NELL2: variants seen among roughly 807,000 people sequenced by gnomAD.
The protein encoded by NELL2 is neural EGFL like 2.
Under a neutral mutation model 109.6 loss-of-function variants are expected in NELL2, and 41 were observed. That is an observed-to-expected ratio of 0.37 (90% CI 0.29 to 0.49). The LOEUF (loss-of-function observed/expected upper bound fraction) is 0.49, where lower values mean the gene tolerates loss of function less well. NELL2 is among the 20% of genes least tolerant of loss of function. The pLI is 0.98. For synonymous variants in NELL2, 355 were observed against 344.7 expected (o/e 1.03, Z -0.33); for missense variants, 900 against 1,008.3 (o/e 0.89, Z 1.45).
At chr12:44,581,935 T>G (rs912359927) in intron 15 of NELL2, among the ~76,000 whole-genome samples, 1 of 152,214 alleles carries the variant, frequency 6.6e-6, no homozygotes. Context: ...CAACAAAACA[T>G]TTTAAGCTCA....
At chr12:44,536,686 G>C (rs1942305829) in intron 15 of NELL2, among the ~76,000 whole-genome samples, 1 of 151,946 alleles carries the variant, frequency 6.6e-6, no homozygotes, top group South Asian at 2.1e-4. Flanking sequence ...AAAAAACTAA[G>C]AGTAAATTTC....
At chr12:44,623,337 CTG>C (rs1264955279) in intron 13 of NELL2, among the ~76,000 whole-genome samples, 5 of 151,980 alleles carry the variant, frequency 3.3e-5, no homozygotes, top group Non-Finnish European at 7.4e-5. Context: ...TAACTTACAC[CTG>C]TGTTTTGTTC....
chr12:44,808,070 T>G (rs1943061338), intron 3 of NELL2, among the ~76,000 whole-genome samples: 1 of 152,044 alleles, frequency 6.6e-6, no homozygotes, highest in South Asian at 2.1e-4. Context: ...CATCCCCATC[T>G]AGGAGGAAAA....
At chr12:44,523,585 T>C in intron 16 of NELL2, 101 bp from the exon 17 acceptor site, 2 of 925,272 alleles carry the variant, frequency 2.2e-6, no homozygotes, top group Non-Finnish European at 3.3e-6. Context: ...TATTCAACTG[T>C]AAATTAATTT....
intron 13 of NELL2, among the ~76,000 whole-genome samples, chr12:44,631,242 T>A (rs1029813308): frequency 2.4e-4 from 35 of 147,660 alleles, no homozygotes; most frequent in African/African-American, 8.3e-4. Context: ...ATAAATAATA[T>A]ATATAAATAT....
upstream of NELL2, among the ~76,000 whole-genome samples, chr12:44,916,821 A>G (rs1045371932): frequency 2.0e-5 from 3 of 152,206 alleles, no homozygotes; most frequent in African/African-American, 7.2e-5. Context: ...CTAGTCTAAT[A>G]ATTCATTCTC....
intron 9 of NELL2, among the ~76,000 whole-genome samples, chr12:44,773,047 T>A (rs1941610473): frequency 1.3e-5 from 2 of 152,226 alleles, no homozygotes; most frequent in African/African-American, 4.8e-5. Flanking sequence ...GAATTGAAAT[T>A]CACTTCTGAC....
At chr12:44,636,842 A>C (rs1371264173) in intron 13 of NELL2, among the ~76,000 whole-genome samples, 1 of 151,460 alleles carries the variant, frequency 6.6e-6, no homozygotes, top group African/African-American at 2.4e-5. Flanking sequence ...TGTTTGGAAT[A>C]GTTTCAGAAG....
At chr12:44,626,588 A>G (rs1011494403) in intron 13 of NELL2, among the ~76,000 whole-genome samples, 6 of 152,188 alleles carry the variant, frequency 3.9e-5, no homozygotes, top group Admixed American at 1.3e-4. Flanking sequence ...GAGGACAGAG[A>G]CCCTAATTTA....
intron 3 of NELL2, among the ~76,000 whole-genome samples, chr12:44,815,320 G>T (rs1943306630): frequency 6.6e-6 from 1 of 152,274 alleles, no homozygotes; most frequent in East Asian, 1.9e-4. Context: ...GGTAAAAAAG[G>T]AAGTTGTCTG....
chr12:44,800,537 A>G (rs1942793361), intron 3 of NELL2, among the ~76,000 whole-genome samples: 1 of 152,164 alleles, frequency 6.6e-6, no homozygotes. Context: ...GTAGCTTTTC[A>G]TCTTCATCTT....
intron 2 of NELL2, among the ~76,000 whole-genome samples, chr12:44,823,468 C>T (rs913320163): frequency 7.9e-5 from 12 of 151,850 alleles, no homozygotes; most frequent in Admixed American, 2.6e-4. Flanking sequence ...TTAAATTCCA[C>T]GTACAATGAG....
intron 13 of NELL2, among the ~76,000 whole-genome samples, chr12:44,630,279 A>G (rs1946404305): frequency 1.3e-5 from 2 of 152,290 alleles, no homozygotes; most frequent in African/African-American, 4.8e-5. Flanking sequence ...CAACCCTATG[A>G]AATAGTATTG....
chr12:44,649,962 C>G (rs1210126069), intron 13 of NELL2, among the ~76,000 whole-genome samples: 1 of 152,064 alleles, frequency 6.6e-6, no homozygotes, highest in African/African-American at 2.4e-5. Flanking sequence ...GGTAATACCA[C>G]TAATTACAAT....
intron 13 of NELL2, among the ~76,000 whole-genome samples, chr12:44,637,053 G>C (rs1470115843): frequency 6.6e-6 from 1 of 152,016 alleles, no homozygotes; most frequent in Non-Finnish European, 1.5e-5. Flanking sequence ...GGTGTTTATA[G>C]TATTCTCTGA....
chr12:44,794,604 C>T (rs116830242), intron 3 of NELL2, among the ~76,000 whole-genome samples: 2,199 of 152,258 alleles, frequency 0.014, 52 homozygotes, highest in African/African-American at 0.05. Context: ...TCTGGCATCA[C>T]AGCCTCCCAT....
At chr12:44,901,730 T>C (rs1219393791) in intron 1 of NELL2, among the ~76,000 whole-genome samples, 1 of 152,210 alleles carries the variant, frequency 6.6e-6, no homozygotes, top group Non-Finnish European at 1.5e-5. Context: ...ATCCCTGGGA[T>C]GTGAGGCTGG....
chr12:44,681,058 AT>A (rs1184791860), intron 12 of NELL2, among the ~76,000 whole-genome samples: 1 of 150,702 alleles, frequency 6.6e-6, no homozygotes, highest in Non-Finnish European at 1.5e-5. Context: ...TATTTTATTT[AT>A]TTTTTTATTG....
intron 15 of NELL2, among the ~76,000 whole-genome samples, chr12:44,565,156 GTTCTACC>G (rs1943605158): frequency 6.6e-6 from 1 of 152,068 alleles, no homozygotes; most frequent in East Asian, 1.9e-4. Flanking sequence ...AGCCAAGAAT[GTTCTACC>G]TTAGAACATT....
Sources: gnomAD v4.1 joint callset for allele counts (sites outside exome capture counted in the v4.1 genomes callset) on GRCh38, gnomAD v4.1.1 for gene constraint, MANE v1.5 for transcripts, NCBI Gene and HGNC (gene_info 2026-07-23, HGNC 2026-07-21) for gene names.